The following RIMS1 variants were observed in gnomAD, a reference collection of about 807,000 sequenced individuals.
RIMS1 encodes the protein regulating synaptic membrane exocytosis 1, also known as regulating synaptic membrane exocytosis protein 1.
A neutral mutation model predicts 214.1 loss-of-function variants in RIMS1; 83 were observed. The ratio of observed to expected loss-of-function variants is 0.39; its 90% confidence interval spans 0.32 to 0.47. The LOEUF (loss-of-function observed/expected upper bound fraction) is 0.47, where lower values mean the gene tolerates loss of function less well. Among genes scored for constraint, RIMS1 ranks in the 20% least tolerant of loss-of-function variants. The pLI, the probability that RIMS1 is intolerant of heterozygous loss-of-function variation, is 0.99. For synonymous variants in RIMS1, 793 were observed against 786.8 expected (o/e 1.01, Z -0.13); for missense variants, 2,050 against 2,161.8 (o/e 0.95, Z 1.03).
intron 1 of RIMS1, among the ~76,000 whole-genome samples, chr6:71,898,056 T>C (rs1406591517): frequency 6.6e-6 from 1 of 152,192 alleles, no homozygotes; most frequent in Non-Finnish European, 1.5e-5. Flanking sequence ...TAAGGTAAAA[T>C]TAACATGTAA....
intron 2 of RIMS1, among the ~76,000 whole-genome samples, chr6:72,079,941 TA>T (rs141947398): frequency 2.0e-5 from 3 of 150,654 alleles, no homozygotes; most frequent in Non-Finnish European, 3.0e-5. Context: ...ATCGTTTTTT[TA>T]AAAAACAAAA....
At position 72,182,688 on chromosome 6, in the gene RIMS1, A is replaced by G. The variant is rs1292865501; in HGVS notation, c.1217A>G (p.Glu406Gly). ...PRTEAGAALP[E>G]GKAGKRAPAA... ...ACCGAGGCGGGCGCGGCGCTGCCGG[A>G]GGGCAAGGCCGGCAAACGCGCGCCG... is the stretch of plus-strand genomic sequence containing the variant. The change falls in exon 6 of 34, where the codon GAG becomes GGG. Residue 406 changes from glutamate to glycine, a missense_variant. Coordinates refer to ENST00000521978, the MANE Select transcript of RIMS1 (RefSeq NM_014989.7). The G allele has an allele frequency of 2.7e-6, 4 of 1,464,616 alleles. No individual in the cohort carries two copies. The East Asian group carries it at 8.4e-5, about 31-fold the overall frequency. The allele number at this position is 1,464,616 out of a possible 1,614,324, so 90.7% of individuals were successfully genotyped here. A position where few individuals can be genotyped will look rare whatever the true frequency, so the allele number is the denominator to read the frequency against.
chr6:71,968,472 A>G (rs1795025880), intron 1 of RIMS1, among the ~76,000 whole-genome samples: 1 of 152,208 alleles, frequency 6.6e-6, no homozygotes, highest in South Asian at 2.1e-4. Context: ...CCCTCCTAGC[A>G]TGAGGAAATT....
chr6:72,196,894 G>T (rs530944601), intron 6 of RIMS1, among the ~76,000 whole-genome samples: 1 of 152,044 alleles, frequency 6.6e-6, no homozygotes, highest in South Asian at 2.1e-4. Context: ...ATTCAATGGA[G>T]CTGAAGTGAG....
intron 4 of RIMS1, among the ~76,000 whole-genome samples, chr6:72,176,076 T>A (rs1210666700): frequency 2.0e-5 from 3 of 152,224 alleles, no homozygotes; most frequent in Non-Finnish European, 4.4e-5. Context: ...TTCACGATAG[T>A]ATTTGAATTG....
At chr6:72,221,855 T>A (rs556173456) in intron 6 of RIMS1, among the ~76,000 whole-genome samples, 2 of 152,010 alleles carry the variant, frequency 1.3e-5, no homozygotes, top group Non-Finnish European at 2.9e-5. Flanking sequence ...CCTGCTGTGA[T>A]CAATAAGATA....
chr6:72,111,143 T>C (rs1347651515), intron 4 of RIMS1, among the ~76,000 whole-genome samples: 1 of 152,212 alleles, frequency 6.6e-6, no homozygotes, highest in Non-Finnish European at 1.5e-5. Context: ...CATTGTCTTA[T>C]TAAAGTTGCT....
chr6:71,890,727 T>G (rs747822710), intron 1 of RIMS1, among the ~76,000 whole-genome samples: 2 of 152,144 alleles, frequency 1.3e-5, no homozygotes, highest in Non-Finnish European at 2.9e-5. Flanking sequence ...TTATTGAACA[T>G]TAACCTCACA....
At chr6:72,095,305 C>A (rs1019679891) in intron 2 of RIMS1, among the ~76,000 whole-genome samples, 1 of 151,924 alleles carries the variant, frequency 6.6e-6, no homozygotes, top group Non-Finnish European at 1.5e-5. Flanking sequence ...GTAAGATTGC[C>A]GGTGCCATTT....
chr6:71,956,790 C>T (rs952850173), intron 1 of RIMS1, among the ~76,000 whole-genome samples: 8 of 152,230 alleles, frequency 5.3e-5, no homozygotes, highest in Middle Eastern at 3.4e-3. Flanking sequence ...CGTTTCATCT[C>T]GTTGCGCGAA....
intron 6 of RIMS1, chr6:72,212,832 C>T: frequency 9.3e-7 from 1 of 1,076,326 alleles, no homozygotes; most frequent in African/African-American, 1.7e-5. Flanking sequence ...CCAGTCCCCA[C>T]ACCACCAGGC....
intron 2 of RIMS1, among the ~76,000 whole-genome samples, chr6:71,980,334 G>A (rs1225707026): frequency 2.0e-5 from 3 of 152,070 alleles, no homozygotes; most frequent in Admixed American, 2.0e-4. Context: ...GTATTTAGTG[G>A]AAAATGATAA....
chr6:71,983,248 T>A (rs911799691), intron 2 of RIMS1, among the ~76,000 whole-genome samples: 1 of 152,212 alleles, frequency 6.6e-6, no homozygotes, highest in African/African-American at 2.4e-5. Flanking sequence ...AGTTCTCTAT[T>A]ATTTTCCTAA....
At chr6:72,396,000 T>C (rs1219175704) in intron 31 of RIMS1, among the ~76,000 whole-genome samples, 1 of 151,902 alleles carries the variant, frequency 6.6e-6, no homozygotes, top group Non-Finnish European at 1.5e-5. Flanking sequence ...ATAGTCATAC[T>C]TTCCAGAGAC....
chr6:72,357,993 C>G (rs865973290), intron 29 of RIMS1, among the ~76,000 whole-genome samples: 13 of 152,174 alleles, frequency 8.5e-5, no homozygotes, highest in South Asian at 2.1e-4. Context: ...CTATAACTTT[C>G]ACACATTATA....
At chr6:71,937,154 T>C (rs537306722) in intron 1 of RIMS1, among the ~76,000 whole-genome samples, 47 of 152,092 alleles carry the variant, frequency 3.1e-4, no homozygotes, top group African/African-American at 9.4e-4. Context: ...GGGAACAGTG[T>C]CTTAGTCCAT....
At chr6:72,164,598 A>G (rs2045998082) in intron 4 of RIMS1, among the ~76,000 whole-genome samples, 1 of 152,132 alleles carries the variant, frequency 6.6e-6, no homozygotes, top group African/African-American at 2.4e-5. Flanking sequence ...CTTTGTATTT[A>G]TTCTACTGAT....
rs536641583 is a variant in RIMS1, at chr6:71,954,609, C to T, written c.165-14374C>T. On this transcript the variant is annotated intron_variant, in intron 1 of 33. Coordinates refer to ENST00000521978, the MANE Select transcript of RIMS1 (RefSeq NM_014989.7). ...ATTGGAGTGATTGCTTTCCAAAGCA[C>T]ATTAAATTATATTCTACTGGCATGA... 2.6e-5 allele frequency among the ~76,000 whole-genome samples: 4 copies of T among 151,816 alleles called. No homozygotes were observed. The East Asian group carries it at 7.7e-4, about 29-fold the overall frequency.
intron 29 of RIMS1, among the ~76,000 whole-genome samples, chr6:72,383,421 T>A (rs867631331): frequency 6.6e-6 from 1 of 151,560 alleles, no homozygotes; most frequent in South Asian, 2.1e-4. Flanking sequence ...ACCACAACAA[T>A]TTTTTTTAAA....
Sources: allele counts gnomAD v4.1 joint callset (sites outside exome capture counted in the v4.1 genomes callset), GRCh38; gene constraint gnomAD v4.1.1; transcripts MANE v1.5; gene names NCBI Gene and HGNC (gene_info 2026-07-23, HGNC 2026-07-21).